The following CEP128 variants were observed in gnomAD, a reference collection of about 807,000 sequenced individuals.
CEP128 encodes the protein centrosomal protein 128.
Under a neutral mutation model 156.7 loss-of-function variants are expected in CEP128, and 132 were observed. That is an observed-to-expected ratio of 0.84 (90% confidence interval 0.73 to 0.97). The LOEUF (loss-of-function observed/expected upper bound fraction) is 0.97. Ranked by LOEUF, CEP128 falls within the 50% of genes least tolerant of loss-of-function variation. The pLI, the probability that CEP128 is intolerant of heterozygous loss-of-function variation, is 0.00. For synonymous variants in CEP128, 469 were observed against 448.9 expected (o/e 1.04, Z -0.57); for missense variants, 1,252 against 1,281.9 (o/e 0.98, Z 0.36).
intron 21 of CEP128, among the ~76,000 whole-genome samples, chr14:80,545,173 C>T (rs1000565701): frequency 6.6e-6 from 1 of 152,198 alleles, no homozygotes; most frequent in Non-Finnish European, 1.5e-5. Context: ...ACAAGAAGTA[C>T]TTGTCCCATG....
chr14:80,520,687 T>C (rs1566754185), intron 23 of CEP128, among the ~76,000 whole-genome samples: 1 of 152,082 alleles, frequency 6.6e-6, no homozygotes, highest in Non-Finnish European at 1.5e-5. Flanking sequence ...AATCCACTCA[T>C]AGTAGATAAA....
At chr14:80,626,507 G>C (rs1450637525) in intron 19 of CEP128, among the ~76,000 whole-genome samples, 1 of 149,456 alleles carries the variant, frequency 6.7e-6, no homozygotes, top group East Asian at 2.0e-4. Context: ...AGTGAGACAG[G>C]GGAGACTTGA....
intron 21 of CEP128, among the ~76,000 whole-genome samples, chr14:80,540,054 G>C (rs1203662507): frequency 6.6e-6 from 1 of 152,164 alleles, no homozygotes; most frequent in African/African-American, 2.4e-5. Flanking sequence ...GTGCACCGCT[G>C]AACATAGACC....
chr14:80,599,081 C>G (rs1412516579), intron 19 of CEP128, among the ~76,000 whole-genome samples: 1 of 152,078 alleles, frequency 6.6e-6, no homozygotes, highest in African/African-American at 2.4e-5. Context: ...TTATTTCTTA[C>G]TTCATGTGAA....
downstream of CEP128, among the ~76,000 whole-genome samples, chr14:80,493,039 A>T (rs751094162): frequency 1.3e-5 from 2 of 152,170 alleles, no homozygotes; most frequent in Non-Finnish European, 2.9e-5. Context: ...AAGATGACAC[A>T]GAGCTCCAAT....
Position 80,856,720 on chromosome 14 carries a change from C to CTTTTTTTTTTTTTTT in CEP128, c.762+6022_762+6036dup, listed in dbSNP as rs766724436. ...AGCATTTATCTCATGTTTTTCTTTT[C>CTTTTTTTTTTTTTTT]TTTTTTTTTTTTTTTTTTTTTTTTT... On this transcript the variant is annotated intron_variant, in intron 9 of 24. Coordinates refer to ENST00000555265, the MANE Select transcript of CEP128 (RefSeq NM_152446.5). Among the ~76,000 whole-genome samples, 67 of 65,188 alleles carry CTTTTTTTTTTTTTTT rather than the reference C, an allele frequency of 1.0e-3. 3 individuals are homozygous for CTTTTTTTTTTTTTTT. The highest frequency in any genetic ancestry group is 1.4e-3 in the Non-Finnish European group (49 of 35,600). 42.8% of individuals were successfully genotyped at this position (65,188 alleles called of 152,430 possible).
At chr14:80,800,830 G>A (rs1200195850) in intron 13 of CEP128, among the ~76,000 whole-genome samples, 4 of 152,178 alleles carry the variant, frequency 2.6e-5, no homozygotes, top group Admixed American at 2.6e-4. Flanking sequence ...GAATGAGCAG[G>A]AGAGAACAGA....
intron 16 of CEP128, among the ~76,000 whole-genome samples, chr14:80,765,073 A>C (rs1454857423): frequency 6.6e-6 from 1 of 152,202 alleles, no homozygotes; most frequent in Non-Finnish European, 1.5e-5. Context: ...ATGTCCACTA[A>C]AGATGGAGTA....
At chr14:80,799,306 TCTTTA>T (rs1377729679) in intron 13 of CEP128, among the ~76,000 whole-genome samples, 1 of 152,220 alleles carries the variant, frequency 6.6e-6, no homozygotes, top group African/African-American at 2.4e-5. Context: ...CTTATGCCTG[TCTTTA>T]CTTTAATCTC....
At chr14:80,657,513 T>A (rs1008382793) in intron 19 of CEP128, among the ~76,000 whole-genome samples, 8 of 151,818 alleles carry the variant, frequency 5.3e-5, no homozygotes, top group Admixed American at 5.3e-4. Context: ...TAGCCAGAAG[T>A]GGTGGTGCGC....
chr14:80,685,933 C>T (rs913358246), intron 19 of CEP128, among the ~76,000 whole-genome samples: 3 of 151,994 alleles, frequency 2.0e-5, no homozygotes, highest in Admixed American at 6.6e-5. Flanking sequence ...TGGACTCCTA[C>T]GTAACATTAT....
intron 10 of CEP128, 69 bp from the exon 11 acceptor site, chr14:80,838,347 C>T: frequency 3.5e-6 from 4 of 1,141,410 alleles, no homozygotes; most frequent in East Asian, 2.3e-5. Flanking sequence ...ATTATGGGCA[C>T]AGTTTAAAAG....
chr14:80,541,879 A>C (rs1889779169), intron 21 of CEP128, among the ~76,000 whole-genome samples: 1 of 152,186 alleles, frequency 6.6e-6, no homozygotes, highest in Non-Finnish European at 1.5e-5. Flanking sequence ...GAGGCAGTCT[A>C]CCTGAGTTTA....
intron 16 of CEP128, among the ~76,000 whole-genome samples, chr14:80,772,109 C>T (rs1900541697): frequency 6.6e-6 from 1 of 152,128 alleles, no homozygotes. Context: ...AGAAGAGGGG[C>T]AGCTGCCCAC....
chr14:80,912,609 A>C (rs1451426775), intron 4 of CEP128, among the ~76,000 whole-genome samples: 6 of 152,198 alleles, frequency 3.9e-5, no homozygotes, highest in Non-Finnish European at 8.8e-5. Flanking sequence ...CCATTGGTCA[A>C]GTACATCATA....
chr14:80,489,907 CAAAA>C (rs34425331), downstream of CEP128, among the ~76,000 whole-genome samples: 252 of 131,614 alleles, frequency 1.9e-3, 1 homozygote, highest in East Asian at 6.4e-3. Context: ...GTTTTATCAC[CAAAA>C]AAAAAAAAAA....
At chr14:80,860,565 A>G (rs893096828) in intron 9 of CEP128, among the ~76,000 whole-genome samples, 1 of 152,082 alleles carries the variant, frequency 6.6e-6, no homozygotes, top group Non-Finnish European at 1.5e-5. Context: ...CTTTAGTACT[A>G]TTCTTATGCT....
intron 12 of CEP128, among the ~76,000 whole-genome samples, chr14:80,831,777 A>G (rs1024911938): frequency 3.9e-5 from 6 of 152,232 alleles, no homozygotes; most frequent in African/African-American, 1.2e-4. Flanking sequence ...AAATTAATAT[A>G]TCATTTAACA....
intron 21 of CEP128, among the ~76,000 whole-genome samples, chr14:80,546,991 C>G (rs1482969288): frequency 6.6e-6 from 1 of 152,164 alleles, no homozygotes; most frequent in Non-Finnish European, 1.5e-5. Context: ...TCTCTCCAGC[C>G]TTTCATCTGA....
Sources: allele counts gnomAD v4.1 joint callset (sites outside exome capture counted in the v4.1 genomes callset), GRCh38; gene constraint gnomAD v4.1.1; transcripts MANE v1.5; gene names NCBI Gene and HGNC (gene_info 2026-07-23, HGNC 2026-07-21).